NTRK3: variants seen among roughly 807,000 people sequenced by gnomAD.
NTRK3 encodes the protein neurotrophic receptor tyrosine kinase 3.
Under a neutral mutation model 91.7 loss-of-function variants are expected in NTRK3, and 24 were observed. The observed-to-expected ratio is 0.26, with a 90% CI of 0.19 to 0.37. The LOEUF is 0.37. Among genes scored for constraint, NTRK3 ranks in the 10% least tolerant of loss-of-function variants. NTRK3 has a pLI of 1.00. For synonymous variants in NTRK3, 483 were observed against 404.0 expected (o/e 1.20, Z -2.34); for missense variants, 880 against 1,068.9 (o/e 0.82, Z 2.46).
chr15:87,904,029 G>A lies in NTRK3; in HGVS notation c.2134-23601C>T, dbSNP rs560254724. Among the ~76,000 whole-genome samples the A allele has an allele frequency of 2.6e-5, 4 of 152,256 alleles. No homozygotes were observed. In the South Asian group the frequency reaches 6.2e-4, roughly 24 times the overall value. ...TGTACCCTGGACATGGAAATAAACA[G>A]GTGTGTGTCCTTAGGTTCCTTAGAA... On this transcript the variant is annotated intron_variant, in intron 17 of 18. Transcript: ENST00000394480.
At chr15:88,072,469 C>T (rs1450811879) in intron 13 of NTRK3, 1 of 230,732 alleles carries the variant, frequency 4.3e-6, no homozygotes. Context: ...AGGTCTCACT[C>T]TTCCAAGTCT....
At chr15:88,115,007 T>C (rs908383732) in intron 13 of NTRK3, among the ~76,000 whole-genome samples, 2 of 152,182 alleles carry the variant, frequency 1.3e-5, no homozygotes, top group African/African-American at 4.8e-5. Flanking sequence ...TAAATACCCA[T>C]ATCCACAAAT....
At chr15:87,886,673 T>C (rs1482530475) in intron 17 of NTRK3, among the ~76,000 whole-genome samples, 1 of 128,890 alleles carries the variant, frequency 7.8e-6, no homozygotes, top group Non-Finnish European at 1.6e-5. Context: ...ATCCCACTTT[T>C]TGCTATATAT....
exon 19 of NTRK3, chr15:87,865,366 T>C (rs2064639075): frequency 9.5e-6 from 2 of 211,452 alleles, no homozygotes; most frequent in South Asian, 1.9e-4. Context: ...AATGACAGAA[T>C]ACTGTGACTT....
intron 3 of NTRK3, among the ~76,000 whole-genome samples, chr15:88,229,329 A>T (rs2050967619): frequency 6.6e-6 from 1 of 152,154 alleles, no homozygotes; most frequent in Non-Finnish European, 1.5e-5. Context: ...GCCCATGAGC[A>T]GGAGAACTAG....
intron 17 of NTRK3, among the ~76,000 whole-genome samples, chr15:87,899,312 G>A (rs2066314528): frequency 6.6e-6 from 1 of 152,126 alleles, no homozygotes; most frequent in Admixed American, 6.5e-5. Context: ...AGGCTGTCTT[G>A]AGGAAAGATA....
At chr15:88,115,079 T>C (rs2051887681) in intron 13 of NTRK3, among the ~76,000 whole-genome samples, 1 of 152,228 alleles carries the variant, frequency 6.6e-6, no homozygotes, top group Non-Finnish European at 1.5e-5. Context: ...TCAGTAGGCA[T>C]GGGCTTTTGT....
At chr15:88,137,674 G>A (rs2042005966) in intron 6 of NTRK3, 113 bp from the exon 7 acceptor site, 5 of 1,043,926 alleles carry the variant, frequency 4.8e-6, no homozygotes, top group South Asian at 1.4e-5. Context: ...AGGGGAGAAG[G>A]GATTTAACAA....
chr15:88,055,135 C>T (rs2045569641), intron 13 of NTRK3, among the ~76,000 whole-genome samples: 1 of 152,150 alleles, frequency 6.6e-6, no homozygotes, highest in African/African-American at 2.4e-5. Flanking sequence ...GAATGCCAAT[C>T]CCAGGCCCTG....
At chr15:87,979,449 T>A in intron 14 of NTRK3, 7 of 1,609,394 alleles carry the variant, frequency 4.3e-6, no homozygotes, top group Non-Finnish European at 6.0e-6. Context: ...GGATTCAACA[T>A]AATTTCTCTG....
chr15:88,011,818 C>A (rs945858622), intron 14 of NTRK3, among the ~76,000 whole-genome samples: 1 of 152,182 alleles, frequency 6.6e-6, no homozygotes, highest in Non-Finnish European at 1.5e-5. Flanking sequence ...ACTGGGGTGA[C>A]CCAGTAGTGC....
intron 14 of NTRK3, among the ~76,000 whole-genome samples, chr15:88,021,346 C>G (rs1171187585): frequency 6.6e-6 from 1 of 152,222 alleles, no homozygotes; most frequent in Non-Finnish European, 1.5e-5. Context: ...GGGGAGGCAA[C>G]AATGGAGCCC....
At chr15:87,936,068 G>GC (rs1206258565) in intron 15 of NTRK3, among the ~76,000 whole-genome samples, 1 of 152,200 alleles carries the variant, frequency 6.6e-6, no homozygotes, top group Non-Finnish European at 1.5e-5. Context: ...GGAAAATAGG[G>GC]CCGGTGACTC....
intron 13 of NTRK3, among the ~76,000 whole-genome samples, chr15:88,039,118 A>AACAC (rs66499066): frequency 0.011 from 1,602 of 139,372 alleles, 27 homozygotes; most frequent in African/African-American, 0.035. Context: ...TTGAGCCCTC[A>AACAC]ACACACACAC....
intron 17 of NTRK3, among the ~76,000 whole-genome samples, chr15:87,919,842 G>A (rs1020844736): frequency 2.6e-5 from 4 of 152,260 alleles, no homozygotes; most frequent in Admixed American, 6.5e-5. Context: ...AGGAAAAAAC[G>A]GGGCTGAGAT....
intron 5 of NTRK3, among the ~76,000 whole-genome samples, chr15:88,169,970 T>A (rs1241591467): frequency 6.6e-6 from 1 of 152,060 alleles, no homozygotes; most frequent in Admixed American, 6.5e-5. Context: ...TCACACTGTA[T>A]AGTAAGCATC....
intron 14 of NTRK3, among the ~76,000 whole-genome samples, chr15:87,998,541 A>G (rs1022744729): frequency 6.6e-6 from 1 of 152,232 alleles, no homozygotes; most frequent in African/African-American, 2.4e-5. Context: ...TTGGACTTTA[A>G]GCAGTGATGC....
chr15:87,927,536 C>T (rs1238238382), intron 17 of NTRK3: 1 of 152,160 alleles, frequency 6.6e-6, no homozygotes, highest in Non-Finnish European at 1.5e-5. Context: ...TGCCATGATC[C>T]TGGCAATACA....
chr15:87,933,303 T>C, intron 15 of NTRK3, 119 bp from the exon 16 acceptor site: 2 of 971,810 alleles, frequency 2.1e-6, no homozygotes, highest in South Asian at 1.6e-5. Context: ...TGAATCTAAA[T>C]GGAATTTAAA....
Sources: gnomAD v4.1 joint callset for allele counts (sites outside exome capture counted in the v4.1 genomes callset) on GRCh38, gnomAD v4.1.1 for gene constraint, MANE v1.5 for transcripts, NCBI Gene and HGNC (gene_info 2026-07-23, HGNC 2026-07-21) for gene names.